The following THSD7A variants were observed in gnomAD, a reference collection of about 807,000 sequenced individuals.
The protein encoded by THSD7A is thrombospondin type 1 domain containing 7A.
THSD7A carries 96 observed loss-of-function variants against 231.3 expected under a neutral mutation model. The observed-to-expected ratio is 0.41, with a 90% confidence interval of 0.35 to 0.49. The LOEUF (loss-of-function observed/expected upper bound fraction) is 0.49. Among genes scored for constraint, THSD7A ranks in the 20% least tolerant of loss-of-function variants. The pLI is 0.05. For synonymous variants in THSD7A, 940 were observed against 743.3 expected, an observed-to-expected ratio of 1.26 and a Z score of -4.30; for missense variants, 2,290 against 2,070.2, an observed-to-expected ratio of 1.11 and a Z score of -2.06.
At chr7:11,556,965 C>T (rs963309786) in intron 4 of THSD7A, among the ~76,000 whole-genome samples, 1 of 152,022 alleles carries the variant, frequency 6.6e-6, no homozygotes, top group African/African-American at 2.4e-5. Context: ...ATTTGGAATT[C>T]ATCCAGCTTC....
chr7:11,792,689 C>T (rs960898255), intron 1 of THSD7A, among the ~76,000 whole-genome samples: 1 of 151,856 alleles, frequency 6.6e-6, no homozygotes, highest in Non-Finnish European at 1.5e-5. Context: ...AATGGATAGG[C>T]AATCCAAAGC....
At chr7:11,570,562 T>C (rs1790580350) in intron 4 of THSD7A, among the ~76,000 whole-genome samples, 1 of 152,266 alleles carries the variant, frequency 6.6e-6, no homozygotes, top group Non-Finnish European at 1.5e-5. Context: ...TTTTGATCAT[T>C]ATACATTGTA....
At chr7:11,461,425 C>T (rs192511386) in intron 10 of THSD7A, among the ~76,000 whole-genome samples, 15 of 152,148 alleles carry the variant, frequency 9.9e-5, no homozygotes, top group Middle Eastern at 3.4e-3. Context: ...CAAATGTATA[C>T]GTCAGATTTC....
chr7:11,604,275 C>G (rs1044767235), intron 2 of THSD7A, among the ~76,000 whole-genome samples: 1 of 152,000 alleles, frequency 6.6e-6, no homozygotes, highest in African/African-American at 2.4e-5. Flanking sequence ...GTCTTGCTTA[C>G]GAAGCACTCA....
At position 11,438,807 on chromosome 7, in the gene THSD7A, G is replaced by A. The variant is rs893348061; in HGVS notation, c.3064+7254C>T. Among the ~76,000 whole-genome samples the A allele has an allele frequency of 7.9e-5, 12 of 152,080 alleles. No homozygotes were observed. The South Asian group carries it at 2.5e-3, about 32-fold the overall frequency. On this transcript the variant is annotated intron_variant, in intron 13 of 27. Coordinates refer to ENST00000423059, the MANE Select transcript of THSD7A (RefSeq NM_015204.3). ...CATGATTCTTAGAGCACAAAGAAAA[G>A]TGTGCCCGGCACTTAAACATAATAT...
chr7:11,428,994 G>C lies in THSD7A; in HGVS notation c.3196C>G (p.Pro1066Ala). The C allele has an allele frequency of 1.2e-6, 2 of 1,612,970 alleles. No homozygotes were observed. The highest frequency in any genetic ancestry group is 4.5e-5 in the East Asian group (2 of 44,802). ...GGGCAAGGCCTTCCTCCATTATATG[G>C]TTTTTCACGCAGCCATTTAGAACGA... ...KVRSKWLREK[P>A]YNGGRPCPKL... The change falls in exon 14 of 28, where the codon CCA (proline) becomes GCA (alanine). Residue 1066 changes from proline to alanine, a missense_variant. Physicochemically the swap from Pro to Ala is conservative, Grantham distance 27 (BLOSUM62 -1). Coordinates refer to ENST00000423059, the MANE Select transcript of THSD7A (RefSeq NM_015204.3).
In THSD7A at chr7:11,831,838, G is replaced by A; in HGVS notation, c.109C>T (p.Leu37=). 4 of 1,403,238 alleles carry A rather than the reference G, an allele frequency of 2.9e-6. No individual in the cohort carries two copies. Among genetic ancestry groups the A allele is most frequent in the South Asian group, 1.8e-5 (1 of 57,068 alleles). The allele number at this position is 1,403,238 out of a possible 1,614,324, so 86.9% of individuals were successfully genotyped here. Residue 37 remains leucine, a synonymous_variant, in exon 1 of 28, where the codon CTG becomes TTG. Coordinates refer to ENST00000423059, the MANE Select transcript of THSD7A (RefSeq NM_015204.3). The surrounding 1 kb of genome is among the most constrained non-coding windows in gnomAD (Gnocchi z 5.0). ...PLPLPLPLLL[L]LLLRPGAGRA... is the part of the protein sequence containing the mutation. ...CCGGCGCCCGGGCGTAGCAGCAGCA[G>A]CAGGAGCAGCGGCAGCGGCAGCGGC...
At chr7:11,407,537 T>C in intron 19 of THSD7A, 114 bp from the exon 20 acceptor site, 3 of 718,940 alleles carry the variant, frequency 4.2e-6, no homozygotes. Flanking sequence ...CATAAGAGAA[T>C]AAAATGTTAC....
chr7:11,449,460 T>C (rs974283314), intron 11 of THSD7A, among the ~76,000 whole-genome samples: 3 of 152,080 alleles, frequency 2.0e-5, no homozygotes, highest in Non-Finnish European at 2.9e-5. Flanking sequence ...GGAAGGGTTC[T>C]GGCAAACACA....
At chr7:11,463,918 G>A (rs1023986679) in intron 9 of THSD7A, among the ~76,000 whole-genome samples, 2 of 152,014 alleles carry the variant, frequency 1.3e-5, no homozygotes, top group African/African-American at 4.8e-5. Context: ...TCAGAGCTAG[G>A]GAAAATTCTG....
At chr7:11,400,465 A>T (rs1783362637) in intron 23 of THSD7A, among the ~76,000 whole-genome samples, 2 of 148,548 alleles carry the variant, frequency 1.3e-5, no homozygotes, top group South Asian at 4.2e-4. Flanking sequence ...TAGAGGTATG[A>T]TTTTACTCTC....
chr7:11,558,506 T>C (rs373090257), intron 4 of THSD7A, among the ~76,000 whole-genome samples: 32 of 152,142 alleles, frequency 2.1e-4, no homozygotes, highest in Non-Finnish European at 3.5e-4. Flanking sequence ...TCTGTTTTAA[T>C]GGGCTACTGG....
At chr7:11,719,373 T>C (rs555161467) in intron 1 of THSD7A, among the ~76,000 whole-genome samples, 8 of 151,880 alleles carry the variant, frequency 5.3e-5, no homozygotes, top group South Asian at 2.1e-4. Flanking sequence ...TTTTCTATAT[T>C]GTCTGTAGGT....
chr7:11,429,673 A>C (rs1784421554), intron 13 of THSD7A, among the ~76,000 whole-genome samples: 1 of 152,262 alleles, frequency 6.6e-6, no homozygotes, highest in South Asian at 2.1e-4. Context: ...CATGTTTTAC[A>C]TGCTGTCACT....
Position 11,379,686 on chromosome 7 carries a change from C to G in THSD7A, c.4534G>C (p.Asp1512His). 1 of 1,592,422 alleles carries G rather than the reference C, an allele frequency of 6.3e-7. No homozygotes were observed. The highest frequency in any genetic ancestry group is 8.6e-7 in the Non-Finnish European group (1 of 1,168,564). The change falls in exon 25 of 28, where the codon GAT becomes CAT. Residue 1512 changes from aspartate to histidine, a missense_variant. Physicochemically the swap from Asp to His is moderately conservative, Grantham distance 81. Transcript: ENST00000423059. ...GGTGGGTTACAAGACCTGTCGGCAT[C>G]AGGCTGGCTCATCACCAAGCAGCCC... ...TGGCLVMSQP[D>H]ADRSCNPPCS...
chr7:11,761,241 C>A (rs1782846719), intron 1 of THSD7A, among the ~76,000 whole-genome samples: 2 of 151,848 alleles, frequency 1.3e-5, no homozygotes, highest in African/African-American at 4.8e-5. Flanking sequence ...AACACATATT[C>A]ATTAGTGGTT....
At chr7:11,495,570 T>A (rs1294481605) in intron 6 of THSD7A, among the ~76,000 whole-genome samples, 2 of 152,116 alleles carry the variant, frequency 1.3e-5, no homozygotes, top group African/African-American at 4.8e-5. Context: ...GATTTTCTAT[T>A]GCAAAACTGT....
intron 6 of THSD7A, among the ~76,000 whole-genome samples, chr7:11,495,493 C>A (rs1295786012): frequency 1.3e-5 from 2 of 152,078 alleles, no homozygotes; most frequent in Admixed American, 1.3e-4. Flanking sequence ...AAACTGACAC[C>A]TTTACCTCCC....
chr7:11,458,593 T>C (rs1363159042), intron 11 of THSD7A, among the ~76,000 whole-genome samples: 5 of 152,088 alleles, frequency 3.3e-5, no homozygotes, highest in African/African-American at 1.2e-4. Context: ...GGAAGCACTA[T>C]GTAAGTACAG....
Sources: gnomAD v4.1 joint callset for allele counts (sites outside exome capture counted in the v4.1 genomes callset) on GRCh38, gnomAD v4.1.1 for gene constraint, Gnocchi (gnomAD v3.1) non-coding constraint, MANE v1.5 for transcripts, NCBI Gene and HGNC (gene_info 2026-07-23, HGNC 2026-07-21) for gene names.